Variants in GALNT13 observed in about 807,000 individuals in gnomAD.
The protein encoded by GALNT13 is UDP-GalNAc:polypeptide N-acetylgalactosaminyltransferase 13.
Under a neutral mutation model 64.2 loss-of-function variants are expected in GALNT13, and 28 were observed. The observed-to-expected ratio is 0.44, with a 90% CI of 0.32 to 0.60. The LOEUF (loss-of-function observed/expected upper bound fraction) is 0.60. Among genes scored for constraint, GALNT13 ranks in the 20% least tolerant of loss-of-function variants. The pLI is 0.05. For synonymous variants in GALNT13, 214 were observed against 224.6 expected (o/e 0.95, Z 0.42); for missense variants, 577 against 669.8 (o/e 0.86, Z 1.53).
chr2:153,068,360 C>T, the GALNT13 span, among the ~76,000 whole-genome samples: 46 of 152,264 alleles, frequency 3.0e-4, no homozygotes, highest in African/African-American at 1.1e-3. Flanking sequence ...ACCCAGAACT[C>T]GGTAAGGCCA....
rs558939344 is a variant in GALNT13, at chr2:154,086,962, T to A, written c.143-53375T>A. ...ATGCACTGTTGCCATCATTTTTTTT[T>A]ATGAGAGGATTCAGCTATTGTATCG... On this transcript the variant is annotated intron_variant, in intron 3 of 12. Transcript: ENST00000392825. 3.7e-4 allele frequency among the ~76,000 whole-genome samples: 56 copies of A among 152,176 alleles called. 1 individual carries two copies. Among genetic ancestry groups the A allele is most frequent in the South Asian group, 2.9e-3 (14 of 4,820 alleles).
chr2:153,226,003 G>A, the GALNT13 span, among the ~76,000 whole-genome samples: 2 of 151,040 alleles, frequency 1.3e-5, no homozygotes, highest in Non-Finnish European at 2.9e-5. Flanking sequence ...GTGCAATCTC[G>A]GCTCACTGCA....
chr2:153,637,082 A>G, the GALNT13 span, among the ~76,000 whole-genome samples: 1 of 152,152 alleles, frequency 6.6e-6, no homozygotes, highest in South Asian at 2.1e-4. Context: ...AAAGAAATAA[A>G]GAAAATAAGG....
At chr2:154,177,590 T>G (rs1685720661) in intron 4 of GALNT13, among the ~76,000 whole-genome samples, 1 of 152,150 alleles carries the variant, frequency 6.6e-6, no homozygotes, top group South Asian at 2.1e-4. Flanking sequence ...GCATCACTAT[T>G]GGCTCAACCA....
At chr2:153,277,462 A>G in the GALNT13 span, among the ~76,000 whole-genome samples, 1 of 152,200 alleles carries the variant, frequency 6.6e-6, no homozygotes, top group Non-Finnish European at 1.5e-5. Context: ...CCATTGATAG[A>G]TACCTAAATT....
chr2:153,881,522 G>C (rs916580604), intron 1 of GALNT13, among the ~76,000 whole-genome samples: 24 of 152,120 alleles, frequency 1.6e-4, no homozygotes, highest in African/African-American at 5.6e-4. Flanking sequence ...TTAACACATT[G>C]AATTGCTAGT....
At chr2:153,360,283 G>A in the GALNT13 span, among the ~76,000 whole-genome samples, 1 of 152,190 alleles carries the variant, frequency 6.6e-6, no homozygotes, top group African/African-American at 2.4e-5. Context: ...CTGTGCAACC[G>A]ACAGACTGGA....
the GALNT13 span, among the ~76,000 whole-genome samples, chr2:153,135,482 C>T: frequency 6.6e-6 from 1 of 151,984 alleles, no homozygotes; most frequent in African/African-American, 2.4e-5. Flanking sequence ...AAATGTAAAC[C>T]CATGTAAATT....
intron 9 of GALNT13, among the ~76,000 whole-genome samples, chr2:154,328,686 G>A (rs889897457): frequency 6.6e-6 from 1 of 152,064 alleles, no homozygotes; most frequent in Admixed American, 6.6e-5. Flanking sequence ...AGGTAGAATT[G>A]CTGAACATGT....
At chr2:154,271,716 ATC>A (rs1176769838) in intron 8 of GALNT13, among the ~76,000 whole-genome samples, 1 of 151,930 alleles carries the variant, frequency 6.6e-6, no homozygotes, top group Non-Finnish European at 1.5e-5. Context: ...CATGAATACT[ATC>A]TGTTTATTTT....
the GALNT13 span, among the ~76,000 whole-genome samples, chr2:153,618,387 G>C: frequency 6.6e-6 from 1 of 151,560 alleles, no homozygotes; most frequent in East Asian, 1.9e-4. Flanking sequence ...CATAGAAGAT[G>C]TTTGACATTA....
the GALNT13 span, among the ~76,000 whole-genome samples, chr2:153,787,877 G>A: frequency 6.6e-6 from 1 of 152,066 alleles, no homozygotes; most frequent in Non-Finnish European, 1.5e-5. Flanking sequence ...AAACAATACA[G>A]TCAACAAAAA....
At chr2:154,421,391 A>G (rs533161913) in intron 11 of GALNT13, among the ~76,000 whole-genome samples, 2 of 152,184 alleles carry the variant, frequency 1.3e-5, no homozygotes, top group African/African-American at 2.4e-5. Flanking sequence ...AATGTTTTAG[A>G]TATGTCATTT....
At chr2:154,063,323 G>T (rs1377403738) in intron 3 of GALNT13, among the ~76,000 whole-genome samples, 2 of 152,056 alleles carry the variant, frequency 1.3e-5, no homozygotes, top group African/African-American at 4.8e-5. Flanking sequence ...GATGCAGTTT[G>T]TCTTTTAGGG....
chr2:153,799,607 A>G, the GALNT13 span, among the ~76,000 whole-genome samples: 1 of 152,148 alleles, frequency 6.6e-6, no homozygotes, highest in Non-Finnish European at 1.5e-5. Context: ...TATAGTAACT[A>G]TAGTCAGTTA....
At chr2:153,801,825 T>G in the GALNT13 span, among the ~76,000 whole-genome samples, 1 of 152,182 alleles carries the variant, frequency 6.6e-6, no homozygotes, top group East Asian at 1.9e-4. Context: ...GGTATGCTTG[T>G]GTATGGCTTT....
At chr2:153,250,753 C>T in the GALNT13 span, among the ~76,000 whole-genome samples, 55,865 of 151,962 alleles carry the variant, frequency 0.37, 11,978 homozygotes, top group Non-Finnish European at 0.5. Context: ...AGCTGGAAGC[C>T]ATCATTCTTA....
chr2:154,066,283 T>TAG (rs927622739), intron 3 of GALNT13, among the ~76,000 whole-genome samples: 2 of 151,824 alleles, frequency 1.3e-5, no homozygotes, highest in African/African-American at 4.8e-5. Context: ...AAAGAGAAAG[T>TAG]AGAGAGAGAG....
chr2:154,276,830 A>G (rs1441102987), intron 8 of GALNT13, among the ~76,000 whole-genome samples: 1 of 152,116 alleles, frequency 6.6e-6, no homozygotes, highest in Non-Finnish European at 1.5e-5. Flanking sequence ...ACAAGATCTG[A>G]TGGTTTTACA....
Sources: allele counts gnomAD v4.1 joint callset (sites outside exome capture counted in the v4.1 genomes callset), GRCh38; gene constraint gnomAD v4.1.1; transcripts MANE v1.5; gene names NCBI Gene and HGNC (gene_info 2026-07-23, HGNC 2026-07-21).